The following CACNA1S variants were observed in gnomAD, a reference collection of about 807,000 sequenced individuals.
CACNA1S encodes the protein calcium voltage-gated channel subunit alpha1 S.
Under a neutral mutation model 207.4 loss-of-function variants are expected in CACNA1S, and 126 were observed. That is an observed-to-expected ratio of 0.61 (90% confidence interval 0.53 to 0.70). The LOEUF is 0.70. Ranked by LOEUF, CACNA1S falls within the 30% of genes least tolerant of loss-of-function variation. The probability of loss-of-function intolerance (pLI) is 0.00; values close to 1 mark genes in which losing one functional copy is unlikely to be tolerated. For synonymous variants in CACNA1S, 960 were observed against 932.7 expected (o/e 1.03, Z -0.53); for missense variants, 2,349 against 2,422.8 (o/e 0.97, Z 0.64).
At chr1:201,069,740 G>T in intron 17 of CACNA1S, 139 bp from the exon 18 acceptor site, 1 of 1,038,416 alleles carries the variant, frequency 9.6e-7, no homozygotes, top group Non-Finnish European at 1.4e-6. Flanking sequence ...CCCTGCACCT[G>T]CAGGGTCCTC....
intron 2 of CACNA1S, among the ~76,000 whole-genome samples, chr1:201,106,669 T>C (rs1662903540): frequency 6.6e-6 from 1 of 152,096 alleles, no homozygotes; most frequent in Non-Finnish European, 1.5e-5. Flanking sequence ...AAGTGCAGAT[T>C]GCCACAAGCG....
intron 22 of CACNA1S, among the ~76,000 whole-genome samples, chr1:201,064,063 G>C (rs1661156260): frequency 6.6e-6 from 1 of 152,226 alleles, no homozygotes; most frequent in Admixed American, 6.5e-5. Flanking sequence ...GTTGGGTGTT[G>C]ACAAGCAATT....
rs753072795 is a variant in CACNA1S at position 201,065,856 on chromosome 1, G to A, written c.2835C>T (p.Ile945=). ...TTLLQFMFAC[I]GVQLFKGKFF... is the part of the protein sequence containing the mutation. ...GGCTCACCTTGAAGAGCTGGACGCC[G>A]ATGCAGGCAAACATGAACTGTAGGA... The change falls in exon 22 of 44, where the codon ATC becomes ATT. Residue 945 remains isoleucine (I), a synonymous_variant. Coordinates refer to ENST00000362061, the MANE Select transcript of CACNA1S (RefSeq NM_000069.3). 38 of 1,613,704 alleles carry A rather than the reference G, an allele frequency of 2.4e-5. No homozygotes were observed. The highest frequency in any genetic ancestry group is 6.7e-5 in the East Asian group (3 of 44,900).
intron 24 of CACNA1S, 122 bp downstream of exon 24, chr1:201,061,822 T>G: frequency 2.7e-6 from 3 of 1,092,704 alleles, no homozygotes; most frequent in Non-Finnish European, 4.2e-6. Flanking sequence ...AGAGAGTTGG[T>G]GGGTTTGTTG....
In CACNA1S at chr1:201,047,512, A is replaced by G; in HGVS notation, c.4543+13T>C. ...GCTGCTTCTGGACTCTGGTCCCCCA[A>G]AGTAGCACCTACCTCCTATTGGAGG... On this transcript the variant is annotated intron_variant, in intron 37 of 43. Coordinates refer to ENST00000362061, the MANE Select transcript of CACNA1S (RefSeq NM_000069.3). 1 of 1,603,912 alleles carries G rather than the reference A, an allele frequency of 6.2e-7. No homozygotes were observed. The highest frequency in any genetic ancestry group is 1.1e-5 in the South Asian group (1 of 90,830).
At chr1:201,044,844 T>C (rs1156235153) in intron 38 of CACNA1S, among the ~76,000 whole-genome samples, 1 of 152,148 alleles carries the variant, frequency 6.6e-6, no homozygotes, top group Non-Finnish European at 1.5e-5. Context: ...TTCTTATCAC[T>C]GTACCCAGGG....
At chr1:201,077,710 T>G (rs565722302) in intron 11 of CACNA1S, among the ~76,000 whole-genome samples, 169 bp downstream of exon 11, 7 of 152,200 alleles carry the variant, frequency 4.6e-5, no homozygotes, top group Non-Finnish European at 8.8e-5. Context: ...GGGGAAGTGA[T>G]TCTTTTTTCA....
At chr1:201,042,546 T>C (rs1386949022) in intron 40 of CACNA1S, among the ~76,000 whole-genome samples, 1 of 152,238 alleles carries the variant, frequency 6.6e-6, no homozygotes, top group Non-Finnish European at 1.5e-5. Context: ...CCACGTTACC[T>C]TGCACCATGG....
chr1:201,107,735 C>G (rs1046599507), intron 2 of CACNA1S, among the ~76,000 whole-genome samples: 1 of 152,216 alleles, frequency 6.6e-6, no homozygotes, highest in African/African-American at 2.4e-5. Flanking sequence ...CTCCTCTCAT[C>G]TCCCTCTTGC....
In CACNA1S at chr1:201,066,989, G is replaced by A. The variant is rs200334886; in HGVS notation, c.2555C>T (p.Thr852Met). The part of the protein sequence containing the change: ...VFTVEIVLKM[T>M]TYGAFLHKGS... ...CTTGTGCAGGAAGGCTCCGTAGGTC[G>A]TCATCTGGGGAGAAAGAGGCAGCAG... The change falls in exon 20 of 44, where the codon ACG (threonine) becomes ATG (methionine). Residue 852 changes from threonine to methionine, a missense_variant. Transcript: ENST00000362061. The surrounding 1 kb of genome is among the most constrained non-coding windows in gnomAD (Gnocchi z 4.3). 6.4e-5 allele frequency: 103 copies of A among 1,610,824 alleles called. No individual in the cohort carries two copies. The highest frequency in any genetic ancestry group is 6.6e-5 in the South Asian group (6 of 90,940).
chr1:201,086,558 C>T lies in CACNA1S; in HGVS notation c.1005-977G>A, dbSNP rs556237238. On this transcript the variant is annotated intron_variant, in intron 7 of 43. Transcript: ENST00000362061. ...GTGTTACCATACTGCATACCGTAGG[C>T]GATTGTATCTGTGGATCTAAACATA... 4.6e-5 allele frequency among the ~76,000 whole-genome samples: 7 copies of T among 152,290 alleles called. No homozygotes were observed. In the East Asian group the frequency reaches 7.7e-4, roughly 17 times the overall value.
intron 36 of CACNA1S, 42 bp from the exon 37 acceptor site, chr1:201,047,668 C>T: frequency 7.6e-7 from 1 of 1,323,292 alleles, no homozygotes; most frequent in Non-Finnish European, 1.1e-6. Context: ...ATCACACCAA[C>T]TGCACTTGAC....
chr1:201,066,793 G>T lies in CACNA1S; in HGVS notation c.2657+94C>A. The T allele has an allele frequency of 1.1e-6, 1 of 911,108 alleles. No individual in the cohort carries two copies. 56.4% of individuals were successfully genotyped at this position (911,108 alleles called of 1,614,324 possible). ...CCCGAGAGACCCTCCTCTTGTGGCAGGGGCCCACCAACATGGGTGGGACTC... is the reference window on the plus strand; with the variant it reads ...CCCGAGAGACCCTCCTCTTGTGGCATGGGCCCACCAACATGGGTGGGACTC... On this transcript the variant is annotated intron_variant, in intron 20 of 43. Coordinates refer to ENST00000362061, the MANE Select transcript of CACNA1S (RefSeq NM_000069.3). This position sits in a 1 kb window ranked among gnomAD's most constrained non-coding sequence, Gnocchi z 4.3.
intron 6 of CACNA1S, among the ~76,000 whole-genome samples, chr1:201,088,144 T>G (rs1389845088): frequency 6.6e-6 from 1 of 152,176 alleles, no homozygotes; most frequent in Non-Finnish European, 1.5e-5. Context: ...AGGGAGACCT[T>G]GCTGACTGCC....
At chr1:201,065,647 T>C (rs956310498) in intron 22 of CACNA1S, among the ~76,000 whole-genome samples, 191 bp downstream of exon 22, 4 of 152,256 alleles carry the variant, frequency 2.6e-5, no homozygotes, top group Non-Finnish European at 4.4e-5. Flanking sequence ...AATGTAACGA[T>C]GTCTTACTGG....
intron 32 of CACNA1S, among the ~76,000 whole-genome samples, chr1:201,051,491 G>T (rs1660646687): frequency 6.6e-6 from 1 of 152,182 alleles, no homozygotes; most frequent in African/African-American, 2.4e-5. Context: ...CACTCTCTGA[G>T]GTAACCCCAC....
chr1:201,044,250 G>T (rs980693844), intron 39 of CACNA1S, 78 bp downstream of exon 39: 1 of 1,585,090 alleles, frequency 6.3e-7, no homozygotes, highest in Admixed American at 1.7e-5. Context: ...GTGTGGCTGG[G>T]CTCCCAGCCC....
At chr1:201,044,254 C>T in intron 39 of CACNA1S, 74 bp downstream of exon 39, 1 of 1,596,000 alleles carries the variant, frequency 6.3e-7, no homozygotes, top group Admixed American at 1.7e-5. Flanking sequence ...GGCTGGGCTC[C>T]CAGCCCTCCT....
rs143483718 is a variant in CACNA1S at position 201,065,907 on chromosome 1, G to A, written c.2784C>T (p.Ile928=). Residue 928 remains isoleucine (I), a synonymous_variant, in exon 22 of 44, where the codon ATC becomes ATT. Coordinates refer to ENST00000362061, the MANE Select transcript of CACNA1S (RefSeq NM_000069.3). The stretch of plus-strand genomic sequence containing the variant: ...GGGTAGTGACCAGCACGATGTTCCC[G>A]ATGGTGCTGATGGCCACGAACATGC... The part of the protein sequence containing the change: ...VQCMFVAIST[I]GNIVLVTTLL... 9.2e-4 allele frequency: 1,477 copies of A among 1,613,956 alleles called. 10 individuals are homozygous for A. In the African/African-American group the frequency reaches 0.016, roughly 18 times the overall value.
Sources: allele counts gnomAD v4.1 joint callset (sites outside exome capture counted in the v4.1 genomes callset), GRCh38; gene constraint gnomAD v4.1.1; non-coding constraint Gnocchi (gnomAD v3.1); transcripts MANE v1.5; gene names NCBI Gene and HGNC (gene_info 2026-07-23, HGNC 2026-07-21).